Variants in EI24 observed in about 807,000 individuals in gnomAD.
EI24 encodes EI24 autophagy associated transmembrane protein.
A neutral mutation model predicts 48.6 loss-of-function variants in EI24; 21 were observed. The observed-to-expected ratio is 0.43, with a 90% CI of 0.31 to 0.62. The LOEUF is 0.62. EI24 is among the 20% of genes least tolerant of loss of function. The probability of loss-of-function intolerance (pLI) is 0.10; values close to 1 mark genes in which losing one functional copy is unlikely to be tolerated. For missense variants in EI24, 280 were observed against 410.5 expected, an observed-to-expected ratio of 0.68 and a Z score of 2.75; for synonymous variants, 114 against 145.5, an observed-to-expected ratio of 0.78 and a Z score of 1.56.
At chr11:125,581,098 T>C in intron 8 of EI24, 113 bp from the exon 9 acceptor site, 1 of 253,892 alleles carries the variant, frequency 3.9e-6, no homozygotes, top group Non-Finnish European at 6.9e-6. Flanking sequence ...ATAATAATAA[T>C]AATAATAATA....
At chr11:125,580,848 G>A (rs899597764) in intron 8 of EI24, 4 of 154,522 alleles carry the variant, frequency 2.6e-5, no homozygotes, top group African/African-American at 9.6e-5. Context: ...AGGCCAAGGT[G>A]GGTGGATCGC....
chr11:125,583,676 G>A lies in EI24; in HGVS notation c.1016G>A (p.Gly339Asp), dbSNP rs778049532. ...PSPAKLKATAGH is the reference protein window; with the variant it reads ...PSPAKLKATADH ...CCTGCCAAACTGAAGGCTACTGCAG[G>A]TCACTGAGTTGCCTGCCATCCAAAG... is the stretch of plus-strand genomic sequence containing the variant. The change falls in exon 11 of 11, where the codon GGT becomes GAT. Residue 339 changes from glycine (G) to aspartate (D), a missense_variant. By Grantham distance (94) the Gly-to-Asp change is moderately conservative. Coordinates refer to ENST00000278903, the MANE Select transcript of EI24 (RefSeq NM_004879.5). The A allele has an allele frequency of 4.3e-6, 7 of 1,612,284 alleles. No homozygotes were observed. Among genetic ancestry groups the A allele is most frequent in the South Asian group, 1.1e-5 (1 of 90,684 alleles).
chr11:125,574,004 C>G (rs186165899), intron 2 of EI24, among the ~76,000 whole-genome samples: 31 of 152,154 alleles, frequency 2.0e-4, no homozygotes, highest in Admixed American at 5.9e-4. Flanking sequence ...CTTTTAACAT[C>G]TTTACCTTGT....
At chr11:125,578,876 C>G (rs1938866833) in intron 6 of EI24, 73 bp from the exon 7 acceptor site, 2 of 1,497,376 alleles carry the variant, frequency 1.3e-6, no homozygotes, top group Non-Finnish European at 1.8e-6. Context: ...TAGTGGCGGA[C>G]TAGTGGCCTT....
In EI24 at chr11:125,584,606, C is replaced by G. The variant is rs1478116006; in HGVS notation, c.*923C>G. 1 of 152,532 alleles carries G rather than the reference C, an allele frequency of 6.6e-6. No individual in the cohort carries two copies. The highest frequency in any genetic ancestry group is 1.5e-5 in the Non-Finnish European group (1 of 68,034). 9.4% of individuals were successfully genotyped at this position (152,532 alleles called of 1,614,324 possible). On this transcript the variant is annotated 3_prime_UTR_variant, in exon 11 of 11. Transcript: ENST00000278903. ...GTTGTTTTCCTGTCATTTTGAGAGA[C>G]TAAATGTGGGGGGCAGATGTCAAAA... is the stretch of plus-strand genomic sequence containing the variant.
chr11:125,572,552 C>A lies in EI24; in HGVS notation c.25C>A (p.Leu9Ile). ...GATGGCTGACAGTGTCAAAACCTTT[C>A]TCCAGGACCTTGCCAGAGTGAGTAC... MADSVKTF[L>I]QDLARGIKDS... The change falls in exon 2 of 11, where the codon CTC (leucine) becomes ATC (isoleucine). Residue 9 changes from leucine (L) to isoleucine (I), a missense_variant. This residue lies in a region of EI24 where 204 missense variants were observed against 294.1 expected (regional missense o/e 0.69). Coordinates refer to ENST00000278903, the MANE Select transcript of EI24 (RefSeq NM_004879.5). The A allele has an allele frequency of 6.2e-7, 1 of 1,613,248 alleles. No individual in the cohort carries two copies. Among genetic ancestry groups the A allele is most frequent in the Non-Finnish European group, 8.5e-7 (1 of 1,179,788 alleles).
rs968278219 is a variant in EI24 at position 125,575,246 on chromosome 11, G to A, written c.43-17G>A. ...TGTCTCAAATAATAATAATAATAATGATAGCCTTTTCTATAGGGAATCAAA... is the reference window on the plus strand; with the variant it reads ...TGTCTCAAATAATAATAATAATAATAATAGCCTTTTCTATAGGGAATCAAA... On this transcript the variant is annotated splice_polypyrimidine_tract_variant and intron_variant, in intron 2 of 10. Coordinates refer to ENST00000278903, the MANE Select transcript of EI24 (RefSeq NM_004879.5). 5 of 1,526,916 alleles carry A rather than the reference G, an allele frequency of 3.3e-6. No homozygotes were observed. The highest frequency in any genetic ancestry group is 4.4e-6 in the Non-Finnish European group (5 of 1,131,140). The allele number at this position is 1,526,916 out of a possible 1,614,324, so 94.6% of individuals were successfully genotyped here.
At chr11:125,582,589 T>C (rs1939059191) in intron 10 of EI24, among the ~76,000 whole-genome samples, 169 bp downstream of exon 10, 1 of 152,224 alleles carries the variant, frequency 6.6e-6, no homozygotes, top group African/African-American at 2.4e-5. Context: ...CTTTTCTCCA[T>C]GCATATATGC....
intron 1 of EI24, among the ~76,000 whole-genome samples, chr11:125,572,138 G>A (rs1938556533): frequency 6.6e-6 from 1 of 152,152 alleles, no homozygotes; most frequent in Non-Finnish European, 1.5e-5. Flanking sequence ...ATGTGTAGGA[G>A]GGATAGTTAG....
In EI24 at chr11:125,580,164, C is replaced by T; in HGVS notation, c.633C>T (p.Leu211=). 6.2e-7 allele frequency: 1 copy of T among 1,613,740 alleles called. No individual in the cohort carries two copies. The highest frequency in any genetic ancestry group is 8.5e-7 in the Non-Finnish European group (1 of 1,179,672). ...QLVSLLHMSL[L]YSLYCFEYRW... ...TTAGTCTCCTGCATATGTCCCTTCT[C>T]TACTCACTGTACTGCTTTGAATATC... Residue 211 remains leucine, a synonymous_variant, in exon 8 of 11, where the codon CTC becomes CTT. Transcript: ENST00000278903.
rs1939140365 is a variant in EI24, at chr11:125,584,259, A to AAAT, written c.*578_*579insTAA. 3 of 135,696 alleles carry AAAT rather than the reference A, an allele frequency of 2.2e-5. No homozygotes were observed. The highest frequency in any genetic ancestry group is 3.2e-5 in the Non-Finnish European group (2 of 62,016). The allele number at this position is 135,696 out of a possible 1,614,324, so 8.4% of individuals were successfully genotyped here. On this transcript the variant is annotated 3_prime_UTR_variant, in exon 11 of 11. Coordinates refer to ENST00000278903, the MANE Select transcript of EI24 (RefSeq NM_004879.5). ...AAAAAAAAAAAAAAAAAAAAAAAAA[A>AAAT]AAAGCCTGAAGAGATGAGATAGGAG...
At chr11:125,574,697 T>A (rs1938663767) in intron 2 of EI24, 1 of 152,302 alleles carries the variant, frequency 6.6e-6, no homozygotes, top group African/African-American at 2.4e-5. Context: ...ATACATCTGT[T>A]GTGGCACTTA....
At chr11:125,579,545 T>C (rs1446078444) in intron 7 of EI24, among the ~76,000 whole-genome samples, 2 of 152,072 alleles carry the variant, frequency 1.3e-5, no homozygotes, top group African/African-American at 4.8e-5. Flanking sequence ...AACATGCTTG[T>C]AATCCCAGCT....
rs3017281 is a variant in EI24, at chr11:125,569,527, T to C, written c.-117T>C. The stretch of plus-strand genomic sequence containing the variant: ...TGGAAGCGCCCCGGCGGAGCTGGCC[T>C]GCGGTGGGCTAGGGGCAGGGCCGGA... On this transcript the variant is annotated 5_prime_UTR_variant, in exon 1 of 11. Transcript: ENST00000278903. The C allele has an allele frequency of 0.9, 341,856 of 380,864 alleles. 153,750 individuals are homozygous for C. The highest frequency in any genetic ancestry group is 0.97 in the African/African-American group (46,401 of 47,912). 23.6% of individuals were successfully genotyped at this position (380,864 alleles called of 1,614,324 possible).
chr11:125,582,373 TTTATTCA>T lies in EI24; in HGVS notation c.818_824del (p.Phe273SerfsTer26), dbSNP rs1234015882. ...GCTGCCTTTTCTCTATCCTCTTTCC[TTTATTCA>T]TTATCAGCGCCAATGAAGCAAAGAC... On this transcript the variant is annotated frameshift_variant, in exon 10 of 11. Transcript: ENST00000278903. LOFTEE classifies it high-confidence loss of function. 3.1e-6 allele frequency: 5 copies of T among 1,596,110 alleles called. No individual in the cohort carries two copies. The highest frequency in any genetic ancestry group is 4.3e-6 in the Non-Finnish European group (5 of 1,171,764).
At chr11:125,582,077 A>G (rs1028213942) in intron 9 of EI24, among the ~76,000 whole-genome samples, 9 of 151,952 alleles carry the variant, frequency 5.9e-5, no homozygotes, top group African/African-American at 9.7e-5. Context: ...ACACACCTGT[A>G]ATCCCAGCTA....
At chr11:125,570,275 A>C (rs766638039) in intron 1 of EI24, 1 of 152,178 alleles carries the variant, frequency 6.6e-6, no homozygotes, top group Non-Finnish European at 1.5e-5. Context: ...AACTTCTGAG[A>C]CTGGGTTCTC....
intron 2 of EI24, among the ~76,000 whole-genome samples, chr11:125,575,060 C>G (rs1028194726): frequency 6.6e-6 from 1 of 151,814 alleles, no homozygotes; most frequent in African/African-American, 2.4e-5. Context: ...ATCCCCATCG[C>G]TACAGAAGAA....
chr11:125,577,386 G>A, intron 4 of EI24, 118 bp from the exon 5 acceptor site: 1 of 1,018,516 alleles, frequency 9.8e-7, no homozygotes, highest in Non-Finnish European at 1.5e-6. Context: ...ACCGCGCCCG[G>A]CCTAGGCCTC....
Sources: allele counts gnomAD v4.1 joint callset (sites outside exome capture counted in the v4.1 genomes callset), GRCh38; gene constraint gnomAD v4.1.1; regional missense constraint gnomAD v4.1.1; transcripts MANE v1.5; gene names NCBI Gene and HGNC (gene_info 2026-07-23, HGNC 2026-07-21).